The following MTREX variants were observed in gnomAD, a reference collection of about 807,000 sequenced individuals.
MTREX encodes the protein Mtr4 exosome RNA helicase, also known as exosome RNA helicase MTR4.
Under a neutral mutation model 135.4 loss-of-function variants are expected in MTREX, and 76 were observed. The observed-to-expected ratio is 0.56, with a 90% CI of 0.47 to 0.68. The LOEUF is 0.68. Among genes scored for constraint, MTREX ranks in the 30% least tolerant of loss-of-function variants. The pLI, the probability that MTREX is intolerant of heterozygous loss-of-function variation, is 0.00. For synonymous variants in MTREX, 404 were observed against 401.6 expected, an observed-to-expected ratio of 1.01 and a Z score of -0.07; for missense variants, 920 against 1,262.1, an observed-to-expected ratio of 0.73 and a Z score of 4.11.
At chr5:55,330,353 G>A (rs1359671690) in intron 5 of MTREX, among the ~76,000 whole-genome samples, 1 of 151,994 alleles carries the variant, frequency 6.6e-6, no homozygotes, top group East Asian at 1.9e-4. Flanking sequence ...TGGGCTTATA[G>A]GCATGAACTG....
At chr5:55,346,142 C>T (rs1370313737) in intron 10 of MTREX, among the ~76,000 whole-genome samples, 4 of 152,076 alleles carry the variant, frequency 2.6e-5, no homozygotes, top group Non-Finnish European at 5.9e-5. Context: ...CTATTTAATA[C>T]AAGTTTTTGT....
At chr5:55,412,719 ACCT>A (rs1359587541) in intron 23 of MTREX, among the ~76,000 whole-genome samples, 2 of 152,130 alleles carry the variant, frequency 1.3e-5, no homozygotes, top group Non-Finnish European at 2.9e-5. Context: ...ATCACAATTA[ACCT>A]CCTCACATCA....
At chr5:55,348,682 T>C (rs1344320054) in intron 11 of MTREX, among the ~76,000 whole-genome samples, 2 of 152,214 alleles carry the variant, frequency 1.3e-5, no homozygotes, top group Admixed American at 1.3e-4. Flanking sequence ...AAGCCACTAA[T>C]AGTTTGTGTT....
intron 16 of MTREX, among the ~76,000 whole-genome samples, chr5:55,376,324 C>A (rs908772945): frequency 6.6e-6 from 1 of 152,166 alleles, no homozygotes; most frequent in Non-Finnish European, 1.5e-5. Context: ...CATTTGCATG[C>A]GACGTTCAAG....
intron 10 of MTREX, 42 bp from the exon 11 acceptor site, chr5:55,346,971 T>G: frequency 1.3e-6 from 2 of 1,504,050 alleles, no homozygotes; most frequent in Non-Finnish European, 1.8e-6. Flanking sequence ...ATCTGTGATC[T>G]ATTTTGAGTT....
intron 2 of MTREX, among the ~76,000 whole-genome samples, chr5:55,323,125 A>G (rs1749315433): frequency 1.3e-5 from 2 of 152,200 alleles, no homozygotes; most frequent in African/African-American, 4.8e-5. Context: ...TACAGTTAGT[A>G]AAATTATCTC....
chr5:55,391,324 G>A (rs1750562542), intron 19 of MTREX, among the ~76,000 whole-genome samples: 2 of 151,972 alleles, frequency 1.3e-5, no homozygotes, highest in Admixed American at 1.3e-4. Flanking sequence ...GCATGTGCGT[G>A]TAGTCCCTGC....
At chr5:55,310,337 G>A (rs772885910) in intron 1 of MTREX, among the ~76,000 whole-genome samples, 1 of 152,226 alleles carries the variant, frequency 6.6e-6, no homozygotes, top group African/African-American at 2.4e-5. Flanking sequence ...CTGGCCGGGC[G>A]TGGTGGCTCA....
At position 55,425,399 on chromosome 5, in the gene MTREX, TCAA is replaced by T. The variant is rs1751154772; in HGVS notation, c.*630_*632del. 7.2e-7 allele frequency: 1 copy of T among 1,391,088 alleles called. No homozygotes were observed. The highest frequency in any genetic ancestry group is 1.4e-5 in the African/African-American group (1 of 68,986). The allele number at this position is 1,391,088 out of a possible 1,614,324, so 86.2% of individuals were successfully genotyped here. On this transcript the variant is annotated 3_prime_UTR_variant, in exon 27 of 27. Coordinates refer to ENST00000230640, the MANE Select transcript of MTREX (RefSeq NM_015360.5). Reference sequence around the variant, plus strand: ...TTAAAAACTACATACAAAGTTGTGATCAACAGCATCCTAAGATAAATATAAACA... The same window carrying T: ...TTAAAAACTACATACAAAGTTGTGATCAGCATCCTAAGATAAATATAAACA...
chr5:55,319,394 T>G (rs1749251310), intron 1 of MTREX, among the ~76,000 whole-genome samples: 1 of 152,220 alleles, frequency 6.6e-6, no homozygotes, highest in Non-Finnish European at 1.5e-5. Context: ...CATTTTAGAA[T>G]GTGTTGCTAG....
rs867948704 is a variant in MTREX, at chr5:55,402,822, A to G, written c.2481+2401A>G. Among the ~76,000 whole-genome samples the G allele has an allele frequency of 9.2e-3, 1,329 of 143,716 alleles. 24 individuals are homozygous for G. Among genetic ancestry groups the G allele is most frequent in the African/African-American group, 0.03 (1,165 of 38,380 alleles). 94.3% of individuals were successfully genotyped at this position (143,716 alleles called of 152,430 possible). A position where few individuals can be genotyped will look rare whatever the true frequency, so the allele number is the denominator to read the frequency against. On this transcript the variant is annotated intron_variant, in intron 21 of 26. Transcript: ENST00000230640. ...TGATATATAAATATAAGCACATTAT[A>G]TGTGTGTGTGTGTGTGTGTATGTGT...
At chr5:55,400,755 A>G (rs1257303524) in intron 21 of MTREX, among the ~76,000 whole-genome samples, 1 of 152,172 alleles carries the variant, frequency 6.6e-6, no homozygotes, top group Non-Finnish European at 1.5e-5. Flanking sequence ...CATCACCACT[A>G]TGTAACTTCA....
chr5:55,372,411 CATA>C (rs1178256504), intron 16 of MTREX, among the ~76,000 whole-genome samples: 2 of 152,082 alleles, frequency 1.3e-5, no homozygotes, highest in African/African-American at 4.8e-5. Flanking sequence ...TGATAATAAA[CATA>C]ATAACAATAC....
chr5:55,309,823 G>A (rs191384029), intron 1 of MTREX, among the ~76,000 whole-genome samples: 1 of 152,094 alleles, frequency 6.6e-6, no homozygotes, highest in Non-Finnish European at 1.5e-5. Flanking sequence ...TCTGGAGAGG[G>A]TACATAAGCC....
At chr5:55,370,209 C>T (rs1750174369) in intron 16 of MTREX, among the ~76,000 whole-genome samples, 1 of 152,176 alleles carries the variant, frequency 6.6e-6, no homozygotes, top group Admixed American at 6.5e-5. Context: ...AGGCATGAGC[C>T]ACTGTGCCTG....
rs528097766 is a variant in MTREX at position 55,365,549 on chromosome 5, G to A, written c.1660-1176G>A. On this transcript the variant is annotated intron_variant, in intron 15 of 26. Transcript: ENST00000230640. ...ACCCAGGAGTACTCTAAGAGTATTT[G>A]TGTATTTTGCTATGCCATTTAGAAA... Among the ~76,000 whole-genome samples the A allele has an allele frequency of 2.2e-3, 339 of 152,248 alleles. 1 individual carries two copies. The highest frequency in any genetic ancestry group is 7.5e-3 in the African/African-American group (312 of 41,548).
chr5:55,403,070 A>T (rs773466411), intron 21 of MTREX, among the ~76,000 whole-genome samples: 2 of 151,890 alleles, frequency 1.3e-5, no homozygotes, highest in Non-Finnish European at 2.9e-5. Flanking sequence ...GCATGGTAGC[A>T]TGCACCTGTC....
Position 55,366,779 on chromosome 5 carries a change from AACTT to A in MTREX, c.1718_1721del (p.Leu573TyrfsTer3). The A allele has an allele frequency of 6.2e-7, 1 of 1,611,754 alleles. No homozygotes were observed. Among genetic ancestry groups the A allele is most frequent in the Non-Finnish European group, 8.5e-7 (1 of 1,178,890 alleles). ...CCATTTGACCTACAACATGGTTTTG[AACTT>A]ACTACGTGTAGAAGAAATTAATCCT... On this transcript the variant is annotated frameshift_variant, in exon 16 of 27. Coordinates refer to ENST00000230640, the MANE Select transcript of MTREX (RefSeq NM_015360.5). LOFTEE classifies it high-confidence loss of function.
intron 15 of MTREX, among the ~76,000 whole-genome samples, chr5:55,358,996 A>T (rs1749965733): frequency 6.6e-6 from 1 of 152,190 alleles, no homozygotes; most frequent in South Asian, 2.1e-4. Flanking sequence ...TGACCCATCC[A>T]CTGCACAAGT....
Sources: gnomAD v4.1 joint callset for allele counts (sites outside exome capture counted in the v4.1 genomes callset) on GRCh38, gnomAD v4.1.1 for gene constraint, MANE v1.5 for transcripts, NCBI Gene and HGNC (gene_info 2026-07-23, HGNC 2026-07-21) for gene names.